IFT88: variants seen among roughly 807,000 people sequenced by gnomAD.
The protein encoded by IFT88 is intraflagellar transport 88.
A neutral mutation model predicts 119.5 loss-of-function variants in IFT88; 74 were observed. That is an observed-to-expected ratio of 0.62 (90% CI 0.51 to 0.75). The LOEUF is 0.75. Among genes scored for constraint, IFT88 ranks in the 30% least tolerant of loss-of-function variants. The probability of loss-of-function intolerance (pLI) is 0.00; values close to 1 mark genes in which losing one functional copy is unlikely to be tolerated. For missense variants in IFT88, 961 were observed against 977.7 expected, an observed-to-expected ratio of 0.98 and a Z score of 0.23; for synonymous variants, 279 against 316.7, an observed-to-expected ratio of 0.88 and a Z score of 1.26.
chr13:20,567,773 C>A, intron 1 of IFT88: 3 of 1,344,902 alleles, frequency 2.2e-6, no homozygotes, highest in Non-Finnish European at 2.9e-6. Flanking sequence ...TGGAAACATT[C>A]CAAAAACGTG....
At chr13:20,662,011 G>T (rs1038767512) in intron 22 of IFT88, among the ~76,000 whole-genome samples, 1 of 152,188 alleles carries the variant, frequency 6.6e-6, no homozygotes, top group African/African-American at 2.4e-5. Context: ...AAATCGTACA[G>T]CAGGAATTTA....
intron 13 of IFT88, chr13:20,612,479 A>G (rs1419168456): frequency 6.6e-6 from 1 of 152,228 alleles, no homozygotes; most frequent in East Asian, 1.9e-4. Flanking sequence ...ACCATAAAAC[A>G]TGGGAAGAAT....
chr13:20,571,198 A>G (rs998292504), intron 1 of IFT88, among the ~76,000 whole-genome samples: 4 of 151,824 alleles, frequency 2.6e-5, no homozygotes, highest in Non-Finnish European at 4.4e-5. Context: ...GTTTCACCAT[A>G]TTAGCCAGGA....
intron 14 of IFT88, among the ~76,000 whole-genome samples, chr13:20,620,703 C>T (rs778106661): frequency 5.9e-5 from 9 of 151,952 alleles, no homozygotes; most frequent in Non-Finnish European, 1.2e-4. Flanking sequence ...GTAGCTGGGA[C>T]TACAGGCGCC....
intron 1 of IFT88, among the ~76,000 whole-genome samples, chr13:20,571,436 C>A (rs2036351953): frequency 6.7e-6 from 1 of 149,568 alleles, no homozygotes; most frequent in Admixed American, 6.9e-5. Context: ...CTCCACCTCC[C>A]ACCCCTCAAA....
intron 7 of IFT88, among the ~76,000 whole-genome samples, chr13:20,594,779 T>A (rs1192275961): frequency 6.6e-6 from 1 of 152,290 alleles, no homozygotes; most frequent in East Asian, 1.9e-4. Context: ...ATTTTACAGA[T>A]CTTTATAAAC....
At chr13:20,627,357 A>G (rs931521877) in intron 15 of IFT88, among the ~76,000 whole-genome samples, 1 of 152,154 alleles carries the variant, frequency 6.6e-6, no homozygotes, top group Non-Finnish European at 1.5e-5. Flanking sequence ...TGTGACATGT[A>G]CTGTTATGGA....
chr13:20,575,443 T>G (rs897821464), intron 2 of IFT88, among the ~76,000 whole-genome samples: 1 of 152,224 alleles, frequency 6.6e-6, no homozygotes, highest in Admixed American at 6.5e-5. Context: ...TTTGATATAC[T>G]GTGATAGAGT....
chr13:20,674,724 A>C (rs7984491), intron 24 of IFT88, among the ~76,000 whole-genome samples: 1 of 73,808 alleles, frequency 1.4e-5, no homozygotes, highest in Non-Finnish European at 2.6e-5. Flanking sequence ...ATATATATAT[A>C]TTTTTTTTTT....
At position 20,663,622 on chromosome 13, in the gene IFT88, C is replaced by A. The variant is rs371100416; in HGVS notation, c.2175+18C>A. The A allele has an allele frequency of 7.2e-6, 11 of 1,520,062 alleles. No individual in the cohort carries two copies. Among genetic ancestry groups the A allele is most frequent in the African/African-American group, 4.1e-5 (3 of 72,384 alleles). 94.2% of individuals were successfully genotyped at this position (1,520,062 alleles called of 1,614,324 possible). The stretch of plus-strand genomic sequence containing the variant: ...GGGAACAGGTATCTCATATGGGCCC[C>A]AAACTGCAGTCTGTTAATTTTTAGA... On this transcript the variant is annotated intron_variant, in intron 23 of 25. Coordinates refer to ENST00000351808, the MANE Select transcript of IFT88 (RefSeq NM_006531.5).
chr13:20,670,523 C>CTTTTTT (rs56143632), intron 23 of IFT88, among the ~76,000 whole-genome samples: 6 of 94,982 alleles, frequency 6.3e-5, no homozygotes, highest in Non-Finnish European at 4.1e-5. Flanking sequence ...CTCAGCTTAC[C>CTTTTTT]TTTTTTTTTT....
chr13:20,662,228 G>A (rs2053930860), intron 22 of IFT88, among the ~76,000 whole-genome samples: 2 of 151,982 alleles, frequency 1.3e-5, no homozygotes, highest in Admixed American at 6.6e-5. Context: ...ACCTGCAGCT[G>A]AGGGGCTTGT....
chr13:20,651,664 C>T (rs1356988382), intron 20 of IFT88, among the ~76,000 whole-genome samples: 1 of 151,676 alleles, frequency 6.6e-6, no homozygotes, highest in East Asian at 1.9e-4. Flanking sequence ...ACCGCATCTA[C>T]ATAATTCTAT....
intron 24 of IFT88, among the ~76,000 whole-genome samples, chr13:20,688,624 C>A (rs1206078104): frequency 6.6e-6 from 1 of 152,100 alleles, no homozygotes; most frequent in Non-Finnish European, 1.5e-5. Context: ...GAATAAGAAC[C>A]TACAGTTAAG....
intron 23 of IFT88, among the ~76,000 whole-genome samples, chr13:20,665,578 A>G (rs1434966495): frequency 6.6e-6 from 1 of 152,258 alleles, no homozygotes; most frequent in African/African-American, 2.4e-5. Context: ...TCCTTAGTAC[A>G]AAACTGATGG....
At position 20,620,590 on chromosome 13, in the gene IFT88, G is replaced by A. The variant is rs1257913337; in HGVS notation, c.1199+4711G>A. ...TATTTTTATTTTTGTTTTTTGAGAC[G>A]GAGTCTTACTCTGTCGCCAGGCTGG... On this transcript the variant is annotated intron_variant, in intron 14 of 25. Transcript: ENST00000351808. 4.6e-5 allele frequency among the ~76,000 whole-genome samples: 7 copies of A among 152,104 alleles called. No individual in the cohort carries two copies. In the East Asian group the frequency reaches 9.7e-4, roughly 21 times the overall value.
chr13:20,660,524 C>T (rs753238186), intron 22 of IFT88, among the ~76,000 whole-genome samples: 1 of 152,218 alleles, frequency 6.6e-6, no homozygotes, highest in Non-Finnish European at 1.5e-5. Context: ...GTTTTGGCTG[C>T]TGTATGGAGA....
chr13:20,639,737 A>G (rs1441432781), intron 17 of IFT88, among the ~76,000 whole-genome samples: 4 of 150,626 alleles, frequency 2.7e-5, no homozygotes, highest in African/African-American at 7.3e-5. Flanking sequence ...CTTTGTTTCT[A>G]ATTTCTTTTA....
rs1289305235 is a variant in IFT88, at chr13:20,596,132, T to G, written c.399-18T>G. The G allele has an allele frequency of 5.3e-5, 54 of 1,022,570 alleles. 1 individual carries two copies. The highest frequency in any genetic ancestry group is 7.4e-5 in the Non-Finnish European group (53 of 711,902). 63.3% of individuals were successfully genotyped at this position (1,022,570 alleles called of 1,614,324 possible). Reference sequence around the variant, plus strand: ...GAGGTTGAATGATTTAAATTGTACCTGCTTTTGTCTTTAATAGCCCAGAGG... The same window carrying G: ...GAGGTTGAATGATTTAAATTGTACCGGCTTTTGTCTTTAATAGCCCAGAGG... On this transcript the variant is annotated intron_variant, in intron 7 of 25. Transcript: ENST00000351808.
Sources: gnomAD v4.1 joint callset for allele counts (sites outside exome capture counted in the v4.1 genomes callset) on GRCh38, gnomAD v4.1.1 for gene constraint, MANE v1.5 for transcripts, NCBI Gene and HGNC (gene_info 2026-07-23, HGNC 2026-07-21) for gene names.